Variants in UBE3D observed in about 807,000 individuals in gnomAD.
UBE3D encodes ubiquitin protein ligase E3D.
A neutral mutation model predicts 49.6 loss-of-function variants in UBE3D; 48 were observed. That is an observed-to-expected ratio of 0.97 (90% CI 0.77 to 1.23). The LOEUF (loss-of-function observed/expected upper bound fraction) is 1.23, where lower values mean the gene tolerates loss of function less well. Ranked by LOEUF, UBE3D falls within the 50% of genes most tolerant of loss-of-function variation. The pLI is 0.00. For missense variants in UBE3D, 452 were observed against 468.4 expected (o/e 0.96, Z 0.32); for synonymous variants, 189 against 174.2 (o/e 1.08, Z -0.67).
intron 9 of UBE3D, among the ~76,000 whole-genome samples, chr6:82,909,346 C>A (rs1446333104): frequency 6.6e-6 from 1 of 152,162 alleles, no homozygotes; most frequent in Non-Finnish European, 1.5e-5. Context: ...GGAATCTGAA[C>A]TGTATAACAT....
downstream of UBE3D, among the ~76,000 whole-genome samples, chr6:82,890,262 C>CAATT (rs1421192665): frequency 6.6e-6 from 1 of 152,056 alleles, no homozygotes; most frequent in Admixed American, 6.6e-5. Flanking sequence ...TCATACACAC[C>CAATT]AATTCACTCA....
Position 83,022,328 on chromosome 6 carries a change from G to A in UBE3D, c.846+125C>T, listed in dbSNP as rs141635914. On this transcript the variant is annotated intron_variant, in intron 7 of 9. Coordinates refer to ENST00000369747, the MANE Select transcript of UBE3D (RefSeq NM_198920.3). Reference sequence around the variant, plus strand: ...AGGCATAAGCCACCGTGCCCAGCCTGATATTAACATTTTTAATCACTTATT... The same window carrying A: ...AGGCATAAGCCACCGTGCCCAGCCTAATATTAACATTTTTAATCACTTATT... The A allele has an allele frequency of 3.0e-4, 197 of 661,138 alleles. No individual in the cohort carries two copies. The African/African-American group carries it at 3.5e-3, about 12-fold the overall frequency. The allele number at this position is 661,138 out of a possible 1,614,324, so 41.0% of individuals were successfully genotyped here.
chr6:82,992,116 G>A lies in UBE3D; in HGVS notation c.1010+26857C>T, dbSNP rs537736262. ...TATATAAGTATTCCAAGATGTCTTG[G>A]AATAATAAGCACTCCAACATTTATA... On this transcript the variant is annotated intron_variant, in intron 8 of 9. Coordinates refer to ENST00000369747, the MANE Select transcript of UBE3D (RefSeq NM_198920.3). 3.0e-4 allele frequency among the ~76,000 whole-genome samples: 45 copies of A among 151,370 alleles called. 2 individuals carry two copies. In the South Asian group the frequency reaches 7.7e-3, roughly 26 times the overall value.
chr6:83,034,545 G>T (rs184150960), intron 5 of UBE3D, among the ~76,000 whole-genome samples: 3 of 152,102 alleles, frequency 2.0e-5, no homozygotes, highest in African/African-American at 7.2e-5. Context: ...TTGGGGCCTG[G>T]TGGGAAGTGA....
chr6:83,016,293 A>G lies in UBE3D; in HGVS notation c.1010+2680T>C, dbSNP rs112713352. On this transcript the variant is annotated intron_variant, in intron 8 of 9. Transcript: ENST00000369747. ...CCAACTTCATTATGTTCCTTAATACAGCCAAAGGCATTATGTATAGAGTTA... is the reference window on the plus strand; with the variant it reads ...CCAACTTCATTATGTTCCTTAATACGGCCAAAGGCATTATGTATAGAGTTA... Among the ~76,000 whole-genome samples the G allele has an allele frequency of 9.6e-3, 1,467 of 152,240 alleles. 20 individuals are homozygous for G. The highest frequency in any genetic ancestry group is 0.033 in the African/African-American group (1,392 of 41,574).
At chr6:83,055,114 A>C (rs1267970094) in intron 2 of UBE3D, among the ~76,000 whole-genome samples, 5 of 144,190 alleles carry the variant, frequency 3.5e-5, no homozygotes, top group African/African-American at 1.3e-4. Flanking sequence ...TTCTAATGAA[A>C]GCTATGGTAA....
intron 4 of UBE3D, among the ~76,000 whole-genome samples, chr6:83,040,873 T>C (rs1437986610): frequency 6.6e-6 from 1 of 152,076 alleles, no homozygotes; most frequent in East Asian, 1.9e-4. Flanking sequence ...GTCATACCCA[T>C]GAGAGGTAAG....
intron 9 of UBE3D, among the ~76,000 whole-genome samples, chr6:82,921,975 T>G (rs777053026): frequency 2.0e-5 from 3 of 152,132 alleles, no homozygotes; most frequent in Non-Finnish European, 2.9e-5. Flanking sequence ...ATGGGAAGAT[T>G]TGAAAAACAA....
intron 9 of UBE3D, among the ~76,000 whole-genome samples, chr6:82,940,822 C>T (rs1582412580): frequency 6.6e-6 from 1 of 152,190 alleles, no homozygotes; most frequent in African/African-American, 2.4e-5. Context: ...ATTGTCAGTA[C>T]TGTGCCCCAG....
rs1200795229 is a variant in UBE3D at position 83,060,311 on chromosome 6, T to C, written c.78-2289A>G. ...AAATAAATAAATGCCACTAGGACAATGAGGGCCATGATTCTCACTGTGGGA... is the reference window on the plus strand; with the variant it reads ...AAATAAATAAATGCCACTAGGACAACGAGGGCCATGATTCTCACTGTGGGA... On this transcript the variant is annotated intron_variant, in intron 1 of 9. Coordinates refer to ENST00000369747, the MANE Select transcript of UBE3D (RefSeq NM_198920.3). 5.9e-5 allele frequency among the ~76,000 whole-genome samples: 9 copies of C among 152,054 alleles called. No individual in the cohort carries two copies. The South Asian group carries it at 1.2e-3, about 21-fold the overall frequency.
At chr6:82,923,517 C>T (rs111582370) in intron 9 of UBE3D, among the ~76,000 whole-genome samples, 12 of 152,168 alleles carry the variant, frequency 7.9e-5, no homozygotes, top group African/African-American at 2.9e-4. Flanking sequence ...AATGAGAACA[C>T]ATGGACACAG....
intron 8 of UBE3D, among the ~76,000 whole-genome samples, chr6:82,970,839 A>C (rs1426051137): frequency 1.3e-5 from 2 of 151,590 alleles, no homozygotes; most frequent in East Asian, 3.9e-4. Flanking sequence ...ACTCTGTCTC[A>C]AAACAAAAAA....
At chr6:82,904,158 T>C (rs1187346399) in intron 9 of UBE3D, among the ~76,000 whole-genome samples, 1 of 152,198 alleles carries the variant, frequency 6.6e-6, no homozygotes, top group East Asian at 1.9e-4. Context: ...CCCCAGTTAA[T>C]GTTGTTGATA....
At chr6:83,005,321 A>C (rs1004912621) in intron 8 of UBE3D, among the ~76,000 whole-genome samples, 4 of 152,150 alleles carry the variant, frequency 2.6e-5, no homozygotes, top group Non-Finnish European at 5.9e-5. Context: ...TAAAAAAAAA[A>C]ACAGAATAAC....
At position 82,916,760 on chromosome 6, in the gene UBE3D, C is replaced by T. The variant is rs150508718; in HGVS notation, c.1150-23718G>A. On this transcript the variant is annotated intron_variant, in intron 9 of 9. Transcript: ENST00000369747. ...TGGGATCTATCTCTAGTTCTAAGGA[C>T]AATCTCATGCTTTCAGCTGAAGGTA... 2.0e-5 allele frequency among the ~76,000 whole-genome samples: 3 copies of T among 152,294 alleles called. No individual in the cohort carries two copies. In the East Asian group the frequency reaches 5.8e-4, roughly 29 times the overall value.
chr6:82,905,083 G>T (rs146299239), intron 9 of UBE3D, among the ~76,000 whole-genome samples: 1 of 152,236 alleles, frequency 6.6e-6, no homozygotes, highest in Non-Finnish European at 1.5e-5. Flanking sequence ...CAGGATTAAT[G>T]ATTAAGCCAT....
At chr6:83,048,079 CAAAAAAAAAAAA>C (rs35344320) in intron 3 of UBE3D, among the ~76,000 whole-genome samples, 3 of 48,086 alleles carry the variant, frequency 6.2e-5, no homozygotes, top group South Asian at 1.4e-3. Flanking sequence ...GACTCCAGCT[CAAAAAAAAAAAA>C]AAAAAAAAAA....
chr6:82,979,553 T>C (rs1025642113), intron 8 of UBE3D, among the ~76,000 whole-genome samples: 4 of 152,206 alleles, frequency 2.6e-5, no homozygotes, highest in Admixed American at 6.5e-5. Context: ...TTTCTTCTGA[T>C]TTTTCTCTAA....
chr6:82,911,692 GC>G (rs1293654600), intron 9 of UBE3D, among the ~76,000 whole-genome samples: 1 of 152,114 alleles, frequency 6.6e-6, no homozygotes. Context: ...TTTCACTAGT[GC>G]TGCTGCCTTC....
Sources: gnomAD v4.1 joint callset for allele counts (sites outside exome capture counted in the v4.1 genomes callset) on GRCh38, gnomAD v4.1.1 for gene constraint, MANE v1.5 for transcripts, NCBI Gene and HGNC (gene_info 2026-07-23, HGNC 2026-07-21) for gene names.